The following MTOR variants were observed in gnomAD, a reference collection of about 807,000 sequenced individuals.
MTOR encodes mechanistic target of rapamycin kinase, also known as serine/threonine-protein kinase mTOR.
MTOR carries 70 observed loss-of-function variants against 319.8 expected under a neutral mutation model. The observed-to-expected ratio is 0.22, with a 90% CI of 0.18 to 0.27. The LOEUF is 0.27. Ranked by LOEUF, MTOR falls within the 10% of genes least tolerant of loss-of-function variation. The pLI, the probability that MTOR is intolerant of heterozygous loss-of-function variation, is 1.00. For missense variants in MTOR, 1,890 were observed against 3,274.4 expected, an observed-to-expected ratio of 0.58 and a Z score of 10.32; for synonymous variants, 1,183 against 1,211.4, an observed-to-expected ratio of 0.98 and a Z score of 0.49.
intron 19 of MTOR, among the ~76,000 whole-genome samples, chr1:11,225,525 G>A (rs894905294): frequency 1.3e-5 from 2 of 150,914 alleles, no homozygotes; most frequent in African/African-American, 2.4e-5. Flanking sequence ...AGATTCAAGC[G>A]ATTCTCCCAC....
intron 38 of MTOR, 131 bp downstream of exon 38, chr1:11,132,949 C>A: frequency 2.7e-6 from 2 of 733,966 alleles, no homozygotes; most frequent in South Asian, 1.7e-5. Context: ...TATAGATAGG[C>A]TCCAGGGACT....
At chr1:11,200,755 C>A (rs1645935761) in intron 26 of MTOR, among the ~76,000 whole-genome samples, 1 of 152,160 alleles carries the variant, frequency 6.6e-6, no homozygotes, top group African/African-American at 2.4e-5. Flanking sequence ...GTGGCTCACG[C>A]CTGTAATCCC....
intron 28 of MTOR, chr1:11,190,039 C>T: frequency 6.8e-7 from 1 of 1,470,564 alleles, no homozygotes; most frequent in South Asian, 1.3e-5. Context: ...ATCAGAACCA[C>T]TACTGGGGCC....
chr1:11,248,309 T>C (rs573922393), intron 6 of MTOR, among the ~76,000 whole-genome samples: 57 of 152,278 alleles, frequency 3.7e-4, no homozygotes, highest in African/African-American at 1.3e-3. Context: ...GCACCACCTA[T>C]TGAACAATAA....
chr1:11,220,588 C>T (rs1269344893), intron 19 of MTOR, among the ~76,000 whole-genome samples: 2 of 152,104 alleles, frequency 1.3e-5, no homozygotes, highest in East Asian at 1.9e-4. Flanking sequence ...TAAACAAACA[C>T]GACATAAAAC....
At position 11,128,457 on chromosome 1, in the gene MTOR, G is replaced by A. The variant is rs1425749330; in HGVS notation, c.5907C>T (p.Pro1969=). Residue 1969 remains proline (P), a synonymous_variant, in exon 42 of 58, where the codon CCC becomes CCT. Transcript: ENST00000361445. The surrounding 1 kb of genome is among the most constrained non-coding windows in gnomAD (Gnocchi z 5.3). ...ACTGCCCAGAGTCTCCACATACCTGGGGGTGGTACCGACCAATGTCTGTGA... is the reference window on the plus strand; with the variant it reads ...ACTGCCCAGAGTCTCCACATACCTGAGGGTGGTACCGACCAATGTCTGTGA... The part of the protein sequence containing the change: ...QLLTDIGRYH[P]QALIYPLTVA... The A allele has an allele frequency of 1.9e-6, 3 of 1,614,008 alleles. No homozygotes were observed. In the Admixed American group the frequency reaches 5.0e-5, roughly 27 times the overall value.
intron 6 of MTOR, among the ~76,000 whole-genome samples, chr1:11,250,748 A>G (rs1427251448): frequency 6.6e-6 from 1 of 152,186 alleles, no homozygotes; most frequent in East Asian, 1.9e-4. Flanking sequence ...CAGGTCTCTA[A>G]GTTAACAGGT....
intron 49 of MTOR, among the ~76,000 whole-genome samples, chr1:11,120,408 C>T (rs1156617578): frequency 5.3e-5 from 8 of 152,022 alleles, no homozygotes; most frequent in Admixed American, 3.3e-4. Context: ...CATGGTGGTA[C>T]GTGCCTGTAA....
At chr1:11,189,912 C>T in intron 28 of MTOR, 3 of 1,613,778 alleles carry the variant, frequency 1.9e-6, no homozygotes, top group Non-Finnish European at 2.5e-6. Context: ...AAATTGACAT[C>T]ATGCAGCTGC....
chr1:11,191,099 G>T (rs1001588851), intron 28 of MTOR, among the ~76,000 whole-genome samples: 3 of 152,196 alleles, frequency 2.0e-5, no homozygotes, highest in African/African-American at 7.2e-5. Context: ...GCCAGACAGA[G>T]GAATCTGACC....
intron 32 of MTOR, 124 bp downstream of exon 32, chr1:11,146,552 G>A (rs1411629968): frequency 1.4e-6 from 1 of 711,296 alleles, no homozygotes; most frequent in African/African-American, 1.8e-5. Context: ...CCATTCAAAT[G>A]TACTCACAGA....
chr1:11,254,115 G>A, intron 5 of MTOR, 142 bp from the exon 6 acceptor site: 4 of 921,888 alleles, frequency 4.3e-6, no homozygotes, highest in Non-Finnish European at 6.5e-6. Flanking sequence ...AAAACTAACT[G>A]ATCAATCTCT....
chr1:11,190,337 T>A (rs1645479010), intron 28 of MTOR, among the ~76,000 whole-genome samples: 1 of 152,244 alleles, frequency 6.6e-6, no homozygotes, highest in African/African-American at 2.4e-5. Flanking sequence ...CTGTAACAGC[T>A]GTTCCTCTGG....
intron 1 of MTOR, among the ~76,000 whole-genome samples, chr1:11,260,820 C>T (rs1325688757): frequency 3.5e-5 from 5 of 143,842 alleles, no homozygotes; most frequent in Non-Finnish European, 7.5e-5. Flanking sequence ...GACAGAGTCT[C>T]GCTCTGTCAC....
chr1:11,128,595 A>C lies in MTOR; in HGVS notation c.5812-43T>G. The C allele has an allele frequency of 6.5e-7, 1 of 1,549,072 alleles. No homozygotes were observed. The highest frequency in any genetic ancestry group is 8.9e-7 in the Non-Finnish European group (1 of 1,121,236). ...ACAGTATGTAGCATATGAGACTTGA[A>C]ACAACTAGTTATTCTTCTAGGCAAA... is the stretch of plus-strand genomic sequence containing the variant. On this transcript the variant is annotated intron_variant, in intron 41 of 57. Coordinates refer to ENST00000361445, the MANE Select transcript of MTOR (RefSeq NM_004958.4). The surrounding 1 kb of genome is among the most constrained non-coding windows in gnomAD (Gnocchi z 5.3).
intron 38 of MTOR, chr1:11,132,454 G>A (rs1156900154): frequency 6.6e-6 from 1 of 152,236 alleles, no homozygotes; most frequent in Admixed American, 6.5e-5. Context: ...GCAAGCCAAG[G>A]AAATACTGGA....
chr1:11,245,010 C>A (rs1328037708), intron 8 of MTOR, among the ~76,000 whole-genome samples: 4 of 152,204 alleles, frequency 2.6e-5, no homozygotes, highest in Admixed American at 2.6e-4. Flanking sequence ...GACTGTAATA[C>A]TGAGCACTGT....
intron 28 of MTOR, among the ~76,000 whole-genome samples, chr1:11,172,574 A>C: frequency 6.8e-6 from 1 of 147,958 alleles, no homozygotes; most frequent in Non-Finnish European, 1.5e-5. Context: ...AAAAAAAAAA[A>C]AAAATACAAC....
chr1:11,151,961 C>T (rs1341434047), intron 30 of MTOR, among the ~76,000 whole-genome samples: 1 of 152,106 alleles, frequency 6.6e-6, no homozygotes, highest in Non-Finnish European at 1.5e-5. Context: ...GCTGAAATCC[C>T]ACAAATTGTT....
Sources: allele counts gnomAD v4.1 joint callset (sites outside exome capture counted in the v4.1 genomes callset), GRCh38; gene constraint gnomAD v4.1.1; non-coding constraint Gnocchi (gnomAD v3.1); transcripts MANE v1.5; gene names NCBI Gene and HGNC (gene_info 2026-07-23, HGNC 2026-07-21).